Variants in SEMA3A observed in about 807,000 individuals in gnomAD.
SEMA3A encodes the protein semaphorin-3A.
In SEMA3A, 29 loss-of-function variants were observed where a neutral mutation model predicts 97.9. That is an observed-to-expected ratio of 0.30 (90% confidence interval 0.22 to 0.40). The LOEUF is 0.40. SEMA3A is among the 10% of genes least tolerant of loss of function. The pLI, the probability that SEMA3A is intolerant of heterozygous loss-of-function variation, is 1.00. For missense variants in SEMA3A, 763 were observed against 951.3 expected, an observed-to-expected ratio of 0.80 and a Z score of 2.60; for synonymous variants, 321 against 323.7, an observed-to-expected ratio of 0.99 and a Z score of 0.09.
chr7:84,037,659 C>A (rs1001179938), intron 6 of SEMA3A, among the ~76,000 whole-genome samples: 1 of 152,006 alleles, frequency 6.6e-6, no homozygotes, highest in African/African-American at 2.4e-5. Context: ...GTAATAAAAA[C>A]CATACTTCTA....
chr7:84,420,016 T>G (rs929095158), intron 1 of SEMA3A, among the ~76,000 whole-genome samples: 1 of 152,130 alleles, frequency 6.6e-6, no homozygotes. Flanking sequence ...CTGAATACAA[T>G]CTTTGCAAAA....
intron 1 of SEMA3A, among the ~76,000 whole-genome samples, chr7:84,428,020 TA>T (rs1479888785): frequency 4.1e-4 from 62 of 152,246 alleles, no homozygotes; most frequent in Admixed American, 4.1e-3. Flanking sequence ...ATGTCTTCTT[TA>T]AAAATCCTGA....
intron 1 of SEMA3A, among the ~76,000 whole-genome samples, chr7:84,150,713 A>C (rs1796623346): frequency 6.6e-6 from 1 of 152,110 alleles, no homozygotes; most frequent in Non-Finnish European, 1.5e-5. Flanking sequence ...AGCAGCTGGG[A>C]AGCTGGAACT....
At chr7:84,376,603 C>CAAAAAAAAAAAAAA (rs60380985) in intron 1 of SEMA3A, among the ~76,000 whole-genome samples, 1 of 36,434 alleles carries the variant, frequency 2.7e-5, no homozygotes, top group African/African-American at 9.9e-5. Context: ...GACTCCGTCT[C>CAAAAAAAAAAAAAA]AAAAAAAAAA....
intron 1 of SEMA3A, among the ~76,000 whole-genome samples, chr7:84,375,757 AG>A (rs1471056452): frequency 6.6e-6 from 1 of 152,186 alleles, no homozygotes; most frequent in Non-Finnish European, 1.5e-5. Context: ...TAGTCACTAT[AG>A]TGTTGTTAAC....
intron 4 of SEMA3A, among the ~76,000 whole-genome samples, chr7:84,097,144 G>A (rs1354766450): frequency 6.6e-6 from 1 of 152,054 alleles, no homozygotes; most frequent in East Asian, 1.9e-4. Flanking sequence ...AGGTAAGACA[G>A]TTATTAAATG....
chr7:84,338,234 G>T (rs1044086813), intron 2 of SEMA3A, among the ~76,000 whole-genome samples: 3 of 151,646 alleles, frequency 2.0e-5, no homozygotes, highest in Non-Finnish European at 4.4e-5. Context: ...CAGTACATAT[G>T]AAATGAATAC....
chr7:84,446,904 G>A (rs1805427507), intron 1 of SEMA3A, among the ~76,000 whole-genome samples: 1 of 152,034 alleles, frequency 6.6e-6, no homozygotes, highest in Non-Finnish European at 1.5e-5. Flanking sequence ...CTTTTAAGTG[G>A]GTGGGGCAGG....
chr7:84,314,788 CTG>C (rs971468999), intron 2 of SEMA3A, among the ~76,000 whole-genome samples: 3 of 152,118 alleles, frequency 2.0e-5, no homozygotes, highest in African/African-American at 4.8e-5. Context: ...TGATTTTATA[CTG>C]TGTCTGCCTT....
At chr7:84,135,443 T>G (rs1243597427) in intron 1 of SEMA3A, among the ~76,000 whole-genome samples, 2 of 152,046 alleles carry the variant, frequency 1.3e-5, no homozygotes, top group Admixed American at 1.3e-4. Context: ...TATATTCCTA[T>G]TTGCTGGTTT....
In SEMA3A at chr7:84,445,493, C is replaced by CAAAAAAAAA. The variant is rs61298477; in HGVS notation, c.-246+46958_-246+46966dup. ...TGGGCGACAGAGTGAGACTCCATCTCAAAAAAAAAAAAAAAAAAAAAAAAA... is the reference window on the plus strand; with the variant it reads ...TGGGCGACAGAGTGAGACTCCATCTCAAAAAAAAAAAAAAAAAAAAAAAAAAAAAAAAAA... On this transcript the variant is annotated intron_variant, in intron 1 of 3. Transcript: ENST00000424555. Among the ~76,000 whole-genome samples the CAAAAAAAAA allele has an allele frequency of 8.2e-3, 227 of 27,598 alleles. 3 individuals carry two copies. The highest frequency in any genetic ancestry group is 0.014 in the Non-Finnish European group (177 of 12,694). 18.1% of individuals were successfully genotyped at this position (27,598 alleles called of 152,430 possible).
intron 5 of SEMA3A, among the ~76,000 whole-genome samples, chr7:84,057,391 G>T (rs1469038613): frequency 6.6e-6 from 1 of 152,082 alleles, no homozygotes; most frequent in Non-Finnish European, 1.5e-5. Context: ...TTATTAGCAG[G>T]TGAGTAATTG....
At chr7:84,096,512 T>A (rs1794779923) in intron 4 of SEMA3A, among the ~76,000 whole-genome samples, 1 of 152,078 alleles carries the variant, frequency 6.6e-6, no homozygotes, top group African/African-American at 2.4e-5. Context: ...CAAATGAATT[T>A]TTTTGCACTA....
rs372463589 is a variant in SEMA3A, at chr7:84,421,256, C to G, written c.-245-49356G>C. On this transcript the variant is annotated intron_variant, in intron 1 of 3. Coordinates refer to the SEMA3A transcript ENST00000424555. Reference sequence around the variant, plus strand: ...ATAGTGCTGAAAGAAGAAAGTCAAACAAAAATTTTATATCCAGCAAAAGTA... The same window carrying G: ...ATAGTGCTGAAAGAAGAAAGTCAAAGAAAAATTTTATATCCAGCAAAAGTA... 3.9e-4 allele frequency among the ~76,000 whole-genome samples: 59 copies of G among 152,016 alleles called. 1 individual carries two copies. The highest frequency in any genetic ancestry group is 1.3e-3 in the African/African-American group (52 of 41,496).
At chr7:84,444,450 A>G (rs1247896952) in intron 1 of SEMA3A, among the ~76,000 whole-genome samples, 2 of 152,096 alleles carry the variant, frequency 1.3e-5, no homozygotes, top group Non-Finnish European at 2.9e-5. Context: ...CTTCAATTAG[A>G]GCACAAACAA....
intron 13 of SEMA3A, 81 bp from the exon 14 acceptor site, chr7:83,981,559 A>T: frequency 8.5e-7 from 1 of 1,169,810 alleles, no homozygotes; most frequent in Admixed American, 3.4e-5. Flanking sequence ...GTTTATTTAT[A>T]TATAACTTCT....
At chr7:84,183,681 T>G (rs558195347) in intron 1 of SEMA3A, among the ~76,000 whole-genome samples, 1 of 152,236 alleles carries the variant, frequency 6.6e-6, no homozygotes, top group African/African-American at 2.4e-5. Context: ...TTTTTAAATT[T>G]AATATATGCT....
chr7:84,282,488 C>A (rs1235184215), intron 3 of SEMA3A, among the ~76,000 whole-genome samples: 1 of 152,088 alleles, frequency 6.6e-6, no homozygotes, highest in East Asian at 1.9e-4. Context: ...CTGTTTCCCC[C>A]ATTTATTAAC....
intron 5 of SEMA3A, among the ~76,000 whole-genome samples, chr7:84,051,417 G>A (rs1792646953): frequency 6.6e-6 from 1 of 152,070 alleles, no homozygotes; most frequent in Non-Finnish European, 1.5e-5. Flanking sequence ...CCTTAAAGAG[G>A]TCCTTCACAT....
Sources: allele counts gnomAD v4.1 joint callset (sites outside exome capture counted in the v4.1 genomes callset), GRCh38; gene constraint gnomAD v4.1.1; transcripts MANE v1.5; gene names NCBI Gene and HGNC (gene_info 2026-07-23, HGNC 2026-07-21).